The following CHRDL1 variants were observed in gnomAD, a reference collection of about 807,000 sequenced individuals.
CHRDL1 encodes chordin-like protein 1.
A neutral mutation model predicts 40.9 loss-of-function variants in CHRDL1; 19 were observed. The observed-to-expected ratio is 0.46, with a 90% confidence interval of 0.32 to 0.68. The LOEUF is 0.68. CHRDL1 is among the 30% of genes least tolerant of loss of function. The probability of loss-of-function intolerance (pLI) is 0.03; values close to 1 mark genes in which losing one functional copy is unlikely to be tolerated. For synonymous variants in CHRDL1, 136 were observed against 123.4 expected, an observed-to-expected ratio of 1.10 and a Z score of -0.68; for missense variants, 329 against 352.1, an observed-to-expected ratio of 0.93 and a Z score of 0.53.
chrX:110,777,740 T>C (rs1311394929), intron 2 of CHRDL1, among the ~76,000 whole-genome samples: 2 of 111,987 alleles, frequency 1.8e-5, no homozygotes, highest in Admixed American at 1.9e-4. Context: ...GTTCTTTGTA[T>C]ATTTTGGATA....
intron 4 of CHRDL1, among the ~76,000 whole-genome samples, chrX:110,744,602 G>A (rs1321666055): frequency 9.0e-6 from 1 of 111,583 alleles, no homozygotes; most frequent in Non-Finnish European, 1.9e-5. Flanking sequence ...AATATATACA[G>A]TGTAATGCTA....
At chrX:110,743,264 T>G (rs914517377) in intron 4 of CHRDL1, among the ~76,000 whole-genome samples, 2 of 112,665 alleles carry the variant, frequency 1.8e-5, no homozygotes, top group East Asian at 5.6e-4. Context: ...CTCCTAGGCT[T>G]GTGCTCATGA....
chrX:110,722,049 A>C (rs1432050342), intron 4 of CHRDL1, among the ~76,000 whole-genome samples: 1 of 111,784 alleles, frequency 8.9e-6, no homozygotes, highest in African/African-American at 3.3e-5. Context: ...CCCAGGCTGG[A>C]GTGCATGGTG....
chrX:110,762,868 A>G, intron 2 of CHRDL1, 61 bp from the exon 3 acceptor site: 1 of 637,697 alleles, frequency 1.6e-6, no homozygotes, highest in East Asian at 3.3e-5. Context: ...CACAAAATTC[A>G]AAAGCAATCA....
intron 4 of CHRDL1, among the ~76,000 whole-genome samples, chrX:110,745,589 C>T (rs2071436746): frequency 8.9e-6 from 1 of 112,081 alleles, no homozygotes; most frequent in African/African-American, 3.2e-5. Flanking sequence ...CCCTCTGGGA[C>T]TGTGCCTGAT....
intron 2 of CHRDL1, among the ~76,000 whole-genome samples, chrX:110,765,585 T>C (rs900009861): frequency 1.8e-5 from 2 of 112,134 alleles, no homozygotes; most frequent in African/African-American, 6.5e-5. Context: ...TTGTTTGCTT[T>C]GCTGAAGATC....
chrX:110,678,630 C>T (rs2069829619), intron 11 of CHRDL1, among the ~76,000 whole-genome samples: 1 of 111,735 alleles, frequency 8.9e-6, no homozygotes, highest in Non-Finnish European at 1.9e-5. Context: ...TGCAGATTCC[C>T]CTGAGCACTT....
chrX:110,793,786 A>G (rs2090139650), intron 1 of CHRDL1, among the ~76,000 whole-genome samples: 1 of 112,080 alleles, frequency 8.9e-6, no homozygotes, highest in Admixed American at 9.4e-5. Flanking sequence ...GCGAGAATCA[A>G]CAGGGCTGCT....
At chrX:110,725,412 C>G (rs2071037365) in intron 4 of CHRDL1, among the ~76,000 whole-genome samples, 1 of 111,453 alleles carries the variant, frequency 9.0e-6, no homozygotes, top group African/African-American at 3.3e-5. Flanking sequence ...ACACTTACAC[C>G]TTGTCACTAA....
chrX:110,691,344 A>T (rs1224376546), intron 8 of CHRDL1, among the ~76,000 whole-genome samples: 1 of 109,721 alleles, frequency 9.1e-6, no homozygotes, highest in Non-Finnish European at 1.9e-5. Flanking sequence ...ACTATAAGGC[A>T]TGGAGCTAGG....
At position 110,723,118 on chromosome X, in the gene CHRDL1, G is replaced by A. The variant is rs1404240197; in HGVS notation, c.302-1588C>T. Among the ~76,000 whole-genome samples, 12 of 110,757 alleles carry A rather than the reference G, an allele frequency of 1.1e-4. No individual in the cohort carries two copies. In the Admixed American group the frequency reaches 1.2e-3, roughly 11 times the overall value. On this transcript the variant is annotated intron_variant, in intron 4 of 11. Coordinates refer to ENST00000372042, the MANE Select transcript of CHRDL1 (RefSeq NM_001143981.2). Reference sequence around the variant, plus strand: ...TACAAAAAATTAGCCAGGCATGGTGGCGAGTGCCTGCAGTCCCAGCTAATC... The same window carrying A: ...TACAAAAAATTAGCCAGGCATGGTGACGAGTGCCTGCAGTCCCAGCTAATC...
At chrX:110,697,208 ACAGTTCTTTTC>A (rs760172055) in intron 7 of CHRDL1, among the ~76,000 whole-genome samples, 1 of 110,939 alleles carries the variant, frequency 9.0e-6, no homozygotes, top group East Asian at 2.8e-4. Context: ...TGGCTCTAAA[ACAGTTCTTTTC>A]CAGTGTTGAA....
intron 4 of CHRDL1, among the ~76,000 whole-genome samples, chrX:110,751,709 T>C (rs774000202): frequency 2.8e-4 from 31 of 111,723 alleles, no homozygotes; most frequent in African/African-American, 9.8e-4. Flanking sequence ...GAAAACAGTA[T>C]GGAGGCTTCT....
Position 110,691,565 on chromosome X carries a change from G to A in CHRDL1, c.778+2598C>T, listed in dbSNP as rs143597265. 3.1e-4 allele frequency among the ~76,000 whole-genome samples: 35 copies of A among 111,204 alleles called. 1 individual carries two copies. Among genetic ancestry groups the A allele is most frequent in the African/African-American group, 1.1e-3 (35 of 30,612 alleles). On this transcript the variant is annotated intron_variant, in intron 8 of 11. Transcript: ENST00000372042. The stretch of plus-strand genomic sequence containing the variant: ...GGTGGGTTGTATCACTTCAGGCTGG[G>A]CTGTTGGGGAGAAATAGTCCCACTT...
At chrX:110,749,114 AATATCC>A (rs1434830774) in intron 4 of CHRDL1, among the ~76,000 whole-genome samples, 3 of 111,580 alleles carry the variant, frequency 2.7e-5, no homozygotes, top group Non-Finnish European at 5.7e-5. Context: ...TCTCCTTCTC[AATATCC>A]ATTTCTCTAT....
At chrX:110,773,554 C>G (rs949543581) in intron 2 of CHRDL1, among the ~76,000 whole-genome samples, 2 of 109,096 alleles carry the variant, frequency 1.8e-5, no homozygotes, top group African/African-American at 6.7e-5. Context: ...CGGTGAAATC[C>G]CGTCTCTACT....
chrX:110,746,517 G>A (rs1296663765), intron 4 of CHRDL1, among the ~76,000 whole-genome samples: 3 of 111,086 alleles, frequency 2.7e-5, no homozygotes, highest in South Asian at 7.7e-4. Context: ...ATTATTGTGC[G>A]GCATACTCAC....
At chrX:110,752,695 T>A (rs1024633655) in intron 4 of CHRDL1, among the ~76,000 whole-genome samples, 2 of 111,630 alleles carry the variant, frequency 1.8e-5, no homozygotes, top group African/African-American at 6.5e-5. Flanking sequence ...ACCAATCTTT[T>A]GCAGGCAAAG....
intron 6 of CHRDL1, among the ~76,000 whole-genome samples, chrX:110,705,310 C>T (rs1213035233): frequency 1.2e-5 from 1 of 81,802 alleles, no homozygotes; most frequent in African/African-American, 5.4e-5. Flanking sequence ...TATATACACA[C>T]ACACATATAT....
Sources: allele counts gnomAD v4.1 joint callset (sites outside exome capture counted in the v4.1 genomes callset), GRCh38; gene constraint gnomAD v4.1.1; transcripts MANE v1.5; gene names NCBI Gene and HGNC (gene_info 2026-07-23, HGNC 2026-07-21).